Variants in ZCCHC2 observed in about 807,000 individuals in gnomAD.
The protein encoded by ZCCHC2 is zinc finger CCHC domain-containing protein 2.
A neutral mutation model predicts 103.6 loss-of-function variants in ZCCHC2; 39 were observed. That is an observed-to-expected ratio of 0.38 (90% CI 0.29 to 0.49). The LOEUF is 0.49. ZCCHC2 is among the 20% of genes least tolerant of loss of function. The probability of loss-of-function intolerance (pLI) is 0.96; values close to 1 mark genes in which losing one functional copy is unlikely to be tolerated. For synonymous variants in ZCCHC2, 687 were observed against 608.9 expected (o/e 1.13, Z -1.89); for missense variants, 1,483 against 1,491.0 (o/e 0.99, Z 0.09).
chr18:62,523,549 G>T lies in ZCCHC2; in HGVS notation c.125G>T (p.Arg42Leu). 1.2e-6 allele frequency: 1 copy of T among 832,312 alleles called. No homozygotes were observed. Among genetic ancestry groups the T allele is most frequent in the African/African-American group, 2.8e-5 (1 of 35,960 alleles). The allele number at this position is 832,312 out of a possible 1,614,324, so 51.6% of individuals were successfully genotyped here. A position where few individuals can be genotyped will look rare whatever the true frequency, so the allele number is the denominator to read the frequency against. The change falls in exon 1 of 14, where the codon CGC becomes CTC. Residue 42 changes from arginine (R) to leucine (L), a missense_variant. Physicochemically the swap from Arg to Leu is moderately radical, Grantham distance 102. Coordinates refer to ENST00000269499, the MANE Select transcript of ZCCHC2 (RefSeq NM_017742.6). ...CCTTCGCGCCGCCGCCGCGACTGCCGCCCCCCGCCGCCGCCGCCGCCGCCC... is the reference window on the plus strand; with the variant it reads ...CCTTCGCGCCGCCGCCGCGACTGCCTCCCCCCGCCGCCGCCGCCGCCGCCC... ...KAPSRRRRDC[R>L]PPPPPPPPAG...
chr18:62,584,276 G>A (rs1917116414), intron 14 of ZCCHC2, among the ~76,000 whole-genome samples: 1 of 152,078 alleles, frequency 6.6e-6, no homozygotes. Context: ...ACACGTGTGG[G>A]GACCGGAGAC....
At chr18:62,546,087 T>A (rs768723684) in intron 4 of ZCCHC2, among the ~76,000 whole-genome samples, 2 of 152,200 alleles carry the variant, frequency 1.3e-5, no homozygotes, top group Non-Finnish European at 2.9e-5. Context: ...CACTCATTAG[T>A]GACCTGCCTT....
chr18:62,542,481 T>C lies in ZCCHC2; in HGVS notation c.1052-17T>C. ...AGTCTTTGTAGCACAAGTCACCGTG[T>C]GTTTTTTTTCTTTCAGCTGTACACA... On this transcript the variant is annotated splice_polypyrimidine_tract_variant and intron_variant, in intron 2 of 13. Coordinates refer to ENST00000269499, the MANE Select transcript of ZCCHC2 (RefSeq NM_017742.6). 6.4e-7 allele frequency: 1 copy of C among 1,551,594 alleles called. No homozygotes were observed. The highest frequency in any genetic ancestry group is 8.7e-7 in the Non-Finnish European group (1 of 1,145,938).
chr18:62,585,723 T>A (rs1027995383), exon 15 of ZCCHC2: 1 of 152,198 alleles, frequency 6.6e-6, no homozygotes, highest in Admixed American at 6.5e-5. Context: ...CACACAGACA[T>A]AAAGCACTCA....
chr18:62,562,144 C>A (rs1916143389), intron 8 of ZCCHC2, among the ~76,000 whole-genome samples: 1 of 151,972 alleles, frequency 6.6e-6, no homozygotes, highest in South Asian at 2.1e-4. Flanking sequence ...CTACAGGCAC[C>A]CGCCACCATG....
At position 62,550,436 on chromosome 18, in the gene ZCCHC2, A is replaced by T. The variant is rs770754275; in HGVS notation, c.1289A>T (p.His430Leu). The change falls in exon 5 of 14, where the codon CAT (histidine) becomes CTT (leucine). Residue 430 changes from histidine to leucine, a missense_variant. Physicochemically the swap from His to Leu is moderately conservative, Grantham distance 99. Around this residue, in one of 3 missense-constraint regions of ZCCHC2, gnomAD observed 31 missense variants for 58.4 expected, o/e 0.53. Transcript: ENST00000269499. ...QGSLKREERR[H>L]PDLEPILRQL... ...TCCTTGAAAAGGGAGGAACGGCGAC[A>T]TCCTGACCTAGAGCCCATCCTAAGG... The T allele has an allele frequency of 5.6e-6, 9 of 1,613,480 alleles. No homozygotes were observed. The African/African-American group carries it at 1.2e-4, about 22-fold the overall frequency.
At chr18:62,561,440 C>T (rs764580698) in intron 8 of ZCCHC2, among the ~76,000 whole-genome samples, 1 of 152,240 alleles carries the variant, frequency 6.6e-6, no homozygotes, top group Non-Finnish European at 1.5e-5. Flanking sequence ...CACATTAGCG[C>T]TGTGCTCCTC....
chr18:62,576,842 T>C lies in ZCCHC2; in HGVS notation c.*263T>C. The C allele has an allele frequency of 4.2e-6, 1 of 237,034 alleles. No individual in the cohort carries two copies. The highest frequency in any genetic ancestry group is 7.2e-6 in the Non-Finnish European group (1 of 139,810). 14.7% of individuals were successfully genotyped at this position (237,034 alleles called of 1,614,324 possible). A position where few individuals can be genotyped will look rare whatever the true frequency, so the allele number is the denominator to read the frequency against. ...TCAGACAAACTTAAATGTTGGTGCG[T>C]GCTTTTTTTTTTTTTTTTACACTGA... On this transcript the variant is annotated 3_prime_UTR_variant, in exon 14 of 14. Coordinates refer to ENST00000269499, the MANE Select transcript of ZCCHC2 (RefSeq NM_017742.6).
intron 5 of ZCCHC2, among the ~76,000 whole-genome samples, chr18:62,553,495 T>C (rs1322932985): frequency 6.6e-6 from 1 of 152,110 alleles, no homozygotes; most frequent in Non-Finnish European, 1.5e-5. Flanking sequence ...CCTCGCTCTG[T>C]TGCCCAGGCT....
chr18:62,527,423 C>T lies in ZCCHC2; in HGVS notation c.939+3060C>T, dbSNP rs141155597. On this transcript the variant is annotated intron_variant, in intron 1 of 13. Transcript: ENST00000269499. ...GAGGTATAACACGTACACAGGTTGC[C>T]GGTAGAATATATACTTTTTAGGCTA... 3.4e-3 allele frequency among the ~76,000 whole-genome samples: 522 copies of T among 152,078 alleles called. 3 individuals carry two copies. Among genetic ancestry groups the T allele is most frequent in the Non-Finnish European group, 5.1e-3 (344 of 67,986 alleles).
chr18:62,581,762 C>A (rs12961503), downstream of ZCCHC2: 1 of 6,964 alleles, frequency 1.4e-4, no homozygotes, highest in Non-Finnish European at 1.9e-4. Flanking sequence ...TGTGGAAGGC[C>A]AGGTGGACCC....
In ZCCHC2 at chr18:62,524,127, G is replaced by A. The variant is rs1304051916; in HGVS notation, c.703G>A (p.Gly235Ser). 31 of 1,533,322 alleles carry A rather than the reference G, an allele frequency of 2.0e-5. No homozygotes were observed. The allele number at this position is 1,533,322 out of a possible 1,614,324, so 95.0% of individuals were successfully genotyped here. The change falls in exon 1 of 14, where the codon GGC (glycine) becomes AGC (serine). Residue 235 changes from glycine to serine, a missense_variant. Around this residue, in one of 3 missense-constraint regions of ZCCHC2, gnomAD observed 568 missense variants for 525.1 expected, o/e 1.08. Coordinates refer to ENST00000269499, the MANE Select transcript of ZCCHC2 (RefSeq NM_017742.6). ...GDGEQDAEKD[G>S]SGPEGGIVEP... ...CGGCGAGCAGGACGCCGAGAAGGACGGCTCAGGCCCGGAAGGCGGCATTGT... is the reference window on the plus strand; with the variant it reads ...CGGCGAGCAGGACGCCGAGAAGGACAGCTCAGGCCCGGAAGGCGGCATTGT...
intron 7 of ZCCHC2, among the ~76,000 whole-genome samples, chr18:62,559,000 C>T (rs1251552704): frequency 1.3e-5 from 2 of 152,208 alleles, no homozygotes; most frequent in Non-Finnish European, 2.9e-5. Context: ...GGTGTTGGCA[C>T]AATTGATTTT....
At chr18:62,530,066 A>G (rs1914616380) in intron 1 of ZCCHC2, among the ~76,000 whole-genome samples, 1 of 152,080 alleles carries the variant, frequency 6.6e-6, no homozygotes, top group Non-Finnish European at 1.5e-5. Flanking sequence ...AGACTGGAGC[A>G]CTCTTGGATT....
rs557934582 is a variant in ZCCHC2 at position 62,550,707 on chromosome 18, A to G, written c.1313+247A>G. On this transcript the variant is annotated intron_variant, in intron 5 of 13. Coordinates refer to ENST00000269499, the MANE Select transcript of ZCCHC2 (RefSeq NM_017742.6). The stretch of plus-strand genomic sequence containing the variant: ...TGCTTCTGAAATATGCAGATATTGA[A>G]TAAAGGCTCTTATATTCTTTATAAA... 2.5e-4 allele frequency among the ~76,000 whole-genome samples: 38 copies of G among 152,380 alleles called. 1 individual carries two copies. Among genetic ancestry groups the G allele is most frequent in the Middle Eastern group, 3.4e-3 (1 of 294 alleles).
chr18:62,546,466 GC>G (rs1915414441), intron 4 of ZCCHC2, among the ~76,000 whole-genome samples: 1 of 152,176 alleles, frequency 6.6e-6, no homozygotes, highest in South Asian at 2.1e-4. Context: ...TCACGAACAG[GC>G]TTCATTTGGG....
chr18:62,570,356 G>C, intron 12 of ZCCHC2, 125 bp downstream of exon 12: 1 of 1,188,122 alleles, frequency 8.4e-7, no homozygotes. Context: ...GCCATTAACT[G>C]ATTTTAAATG....
At chr18:62,564,705 C>T (rs1451553133) in intron 10 of ZCCHC2, 70 bp downstream of exon 10, 2 of 1,144,930 alleles carry the variant, frequency 1.7e-6, no homozygotes, top group Non-Finnish European at 2.4e-6. Flanking sequence ...TGATAGTATA[C>T]AACATAGTAT....
chr18:62,553,818 T>A (rs1473220847), intron 5 of ZCCHC2, among the ~76,000 whole-genome samples: 1 of 152,228 alleles, frequency 6.6e-6, no homozygotes, highest in Non-Finnish European at 1.5e-5. Flanking sequence ...GTGAATGGCC[T>A]TTTCAGTCCT....
Sources: gnomAD v4.1 joint callset for allele counts (sites outside exome capture counted in the v4.1 genomes callset) on GRCh38, gnomAD v4.1.1 for gene constraint, gnomAD v4.1.1 regional missense constraint, MANE v1.5 for transcripts, NCBI Gene and HGNC (gene_info 2026-07-23, HGNC 2026-07-21) for gene names.